RNPEPL1: variants seen among roughly 807,000 people sequenced by gnomAD.
The protein encoded by RNPEPL1 is aminopeptidase RNPEPL1.
Under a neutral mutation model 69.0 loss-of-function variants are expected in RNPEPL1, and 46 were observed. The observed-to-expected ratio is 0.67, with a 90% CI of 0.53 to 0.85. The LOEUF (loss-of-function observed/expected upper bound fraction) is 0.85. RNPEPL1 is among the 40% of genes least tolerant of loss of function. RNPEPL1 has a pLI of 0.00. For synonymous variants in RNPEPL1, 525 were observed against 454.1 expected, an observed-to-expected ratio of 1.16 and a Z score of -1.98; for missense variants, 869 against 992.5, an observed-to-expected ratio of 0.88 and a Z score of 1.67.
In RNPEPL1 at chr2:240,578,162, G is replaced by A. The variant is rs2093043299; in HGVS notation, c.*270G>A. ...ACACCATGCCTCCTGTCTCAACACTGACAGCTGTGCCTAGCCCCGGATGCC... is the reference window on the plus strand; with the variant it reads ...ACACCATGCCTCCTGTCTCAACACTAACAGCTGTGCCTAGCCCCGGATGCC... On this transcript the variant is annotated 3_prime_UTR_variant, in exon 11 of 11. Transcript: ENST00000270357. 8.3e-6 allele frequency: 3 copies of A among 359,418 alleles called. No individual in the cohort carries two copies. The highest frequency in any genetic ancestry group is 1.5e-5 in the Non-Finnish European group (3 of 199,420). 22.3% of individuals were successfully genotyped at this position (359,418 alleles called of 1,614,324 possible).
At chr2:240,573,967 G>A (rs568619267) in intron 4 of RNPEPL1, 76 bp downstream of exon 4, 2 of 1,429,674 alleles carry the variant, frequency 1.4e-6, no homozygotes, top group South Asian at 1.3e-5. Flanking sequence ...TGACCCCTGG[G>A]GTGTCCTGTC....
chr2:240,570,774 T>G (rs1186625143), intron 1 of RNPEPL1, among the ~76,000 whole-genome samples: 2 of 152,176 alleles, frequency 1.3e-5, no homozygotes, highest in Middle Eastern at 3.2e-3. Flanking sequence ...TCAGCACCTG[T>G]GCCCGGGTGC....
chr2:240,573,330 G>GC (rs1220718060), intron 3 of RNPEPL1, 69 bp downstream of exon 3: 1 of 1,486,214 alleles, frequency 6.7e-7, no homozygotes, highest in Non-Finnish European at 9.0e-7. Context: ...GGGGTCTGTG[G>GC]CCTGTGTCCA....
At position 240,578,259 on chromosome 2, in the gene RNPEPL1, T is replaced by G; in HGVS notation, c.*367T>G. 1.1e-5 allele frequency: 2 copies of G among 186,426 alleles called. No homozygotes were observed. Among genetic ancestry groups the G allele is most frequent in the Non-Finnish European group, 2.2e-5 (2 of 90,550 alleles). The allele number at this position is 186,426 out of a possible 1,614,324, so 11.5% of individuals were successfully genotyped here. On this transcript the variant is annotated 3_prime_UTR_variant, in exon 11 of 11. Transcript: ENST00000270357. Reference sequence around the variant, plus strand: ...TGGTGACCGCCACACTGTGCCTTAATGTCTGCCGGGGGCCCAGGCTGTGCT... The same window carrying G: ...TGGTGACCGCCACACTGTGCCTTAAGGTCTGCCGGGGGCCCAGGCTGTGCT...
chr2:240,571,384 A>T (rs1260967670), intron 1 of RNPEPL1, among the ~76,000 whole-genome samples: 1 of 152,130 alleles, frequency 6.6e-6, no homozygotes, highest in Non-Finnish European at 1.5e-5. Context: ...TGGTCATGGG[A>T]GGGCCTCTGC....
At position 240,579,439 on chromosome 2, in the gene RNPEPL1, T is replaced by C. The variant is rs2093047315; in HGVS notation, c.*1547T>C. ...GGGTCTGGGGCCGTCTCTACATGTG[T>C]TGCTTCATGTACCTTCTTCACATCA... is the stretch of plus-strand genomic sequence containing the variant. On this transcript the variant is annotated 3_prime_UTR_variant, in exon 11 of 11. Coordinates refer to ENST00000270357, the MANE Select transcript of RNPEPL1 (RefSeq NM_018226.6). The C allele has an allele frequency of 6.6e-6, 1 of 151,304 alleles. No individual in the cohort carries two copies. The highest frequency in any genetic ancestry group is 2.4e-5 in the African/African-American group (1 of 41,136). The allele number at this position is 151,304 out of a possible 1,614,324, so 9.4% of individuals were successfully genotyped here. A position where few individuals can be genotyped will look rare whatever the true frequency, so the allele number is the denominator to read the frequency against.
rs1318695096 is a variant in RNPEPL1 at position 240,569,016 on chromosome 2, G to C, written c.430G>C (p.Asp144His). The part of the protein sequence containing the change: ...PLAFRVDPFT[D>H]YGSSLTVTLP... ...GGCCTTCAGGGTGGACCCGTTCACC[G>C]ACTACGGCTCCTCGCTCACCGTCAC... is the stretch of plus-strand genomic sequence containing the variant. The change falls in exon 1 of 11, where the codon GAC (aspartate) becomes CAC (histidine). Residue 144 changes from aspartate (D) to histidine (H), a missense_variant. By Grantham distance (81) the Asp-to-His change is moderately conservative. Around this residue, in one of 2 missense-constraint regions of RNPEPL1, gnomAD observed 259 missense variants for 201.5 expected, o/e 1.29. Transcript: ENST00000270357. 2.0e-6 allele frequency: 3 copies of C among 1,509,648 alleles called. No individual in the cohort carries two copies. In the Admixed American group the frequency reaches 6.1e-5, roughly 31 times the overall value. 93.5% of individuals were successfully genotyped at this position (1,509,648 alleles called of 1,614,324 possible). A position where few individuals can be genotyped will look rare whatever the true frequency, so the allele number is the denominator to read the frequency against.
intron 7 of RNPEPL1, 126 bp from the exon 8 acceptor site, chr2:240,575,376 C>T: frequency 3.5e-6 from 3 of 869,146 alleles, no homozygotes; most frequent in Non-Finnish European, 3.8e-6. Context: ...CTCCGCAGTG[C>T]CCACTAGCTG....
At chr2:240,575,774 T>A (rs1172192618) in intron 8 of RNPEPL1, 164 bp downstream of exon 8, 1 of 636,168 alleles carries the variant, frequency 1.6e-6, no homozygotes, top group Non-Finnish European at 2.8e-6. Context: ...GCTGGTATGC[T>A]ATGAGAACAG....
chr2:240,573,989 G>A (rs2093030321), intron 4 of RNPEPL1, 98 bp downstream of exon 4: 10 of 1,378,332 alleles, frequency 7.3e-6, no homozygotes, highest in Non-Finnish European at 1.0e-5. Context: ...CCATCTCCTG[G>A]GGAGGAAGCG....
chr2:240,568,849 C>T lies in RNPEPL1; in HGVS notation c.263C>T (p.Ala88Val). ...CACCCGGCTCTGCGCCTGCACTCAG[C>T]CGCCTTCCGTCGCGCCCCCGCCGCC... The part of the protein sequence containing the change: ...DAHPALRLHS[A>V]AFRRAPAAAA... The change falls in exon 1 of 11, where the codon GCC becomes GTC. Residue 88 changes from alanine to valine, a missense_variant. Physicochemically the swap from Ala to Val is moderately conservative, Grantham distance 64 (BLOSUM62 0). Transcript: ENST00000270357. This position sits in a 1 kb window ranked among gnomAD's most constrained non-coding sequence, Gnocchi z 6.2. 2.5e-6 allele frequency: 3 copies of T among 1,187,866 alleles called. No individual in the cohort carries two copies. Among genetic ancestry groups the T allele is most frequent in the Non-Finnish European group, 3.1e-6 (3 of 954,550 alleles). The allele number at this position is 1,187,866 out of a possible 1,614,324, so 73.6% of individuals were successfully genotyped here. A position where few individuals can be genotyped will look rare whatever the true frequency, so the allele number is the denominator to read the frequency against.
intron 2 of RNPEPL1, among the ~76,000 whole-genome samples, chr2:240,572,815 G>C (rs2093025728): frequency 6.6e-6 from 1 of 152,214 alleles, no homozygotes; most frequent in African/African-American, 2.4e-5. Context: ...GGCACTGCAG[G>C]GTCCCCAGAC....
In RNPEPL1 at chr2:240,572,736, C is replaced by T. The variant is rs554275727; in HGVS notation, c.669+173C>T. Among the ~76,000 whole-genome samples, 322 of 152,290 alleles carry T rather than the reference C, an allele frequency of 2.1e-3. 1 individual carries two copies. Among genetic ancestry groups the T allele is most frequent in the African/African-American group, 6.0e-3 (249 of 41,568 alleles). ...ATGGGAGGAGCCGCTTTGCAGGGAA[C>T]GGGGGAAGCCGGGCTGCCTCCAACG... On this transcript the variant is annotated intron_variant, in intron 2 of 10. Transcript: ENST00000270357.
intron 8 of RNPEPL1, chr2:240,576,011 A>G (rs2093036410): frequency 7.1e-6 from 2 of 282,478 alleles, no homozygotes; most frequent in Non-Finnish European, 1.4e-5. Flanking sequence ...AAGGCACTGC[A>G]GGGTTCAGAC....
intron 1 of RNPEPL1, 162 bp downstream of exon 1, chr2:240,569,276 C>G: frequency 1.3e-6 from 1 of 779,776 alleles, no homozygotes; most frequent in Non-Finnish European, 1.8e-6. Context: ...CCCTTAGGAC[C>G]CTCGGATAGA....
rs748394344 is a variant in RNPEPL1, at chr2:240,573,146, C to T, written c.706C>T (p.Arg236Trp). 31 of 1,610,030 alleles carry T rather than the reference C, an allele frequency of 1.9e-5. No individual in the cohort carries two copies. Among genetic ancestry groups the T allele is most frequent in the Middle Eastern group, 1.6e-4 (1 of 6,070 alleles). ...SGVQVLMSATRSAYMEEEGVF... is the reference protein window; with the variant it reads ...SGVQVLMSATWSAYMEEEGVF... ...GGTGCAGGTGCTGATGAGTGCCACC[C>T]GGAGTGCATACATGGAGGAAGAAGG... The change falls in exon 3 of 11, where the codon CGG becomes TGG. Residue 236 changes from arginine to tryptophan, a missense_variant. Physicochemically the swap from Arg to Trp is moderately radical, Grantham distance 101. Transcript: ENST00000270357.
chr2:240,569,818 T>C lies in RNPEPL1; in HGVS notation c.528+704T>C, dbSNP rs1268660890. Among the ~76,000 whole-genome samples the C allele has an allele frequency of 4.6e-5, 7 of 152,202 alleles. 1 individual carries two copies. The highest frequency in any genetic ancestry group is 4.1e-4 in the South Asian group (2 of 4,838). On this transcript the variant is annotated intron_variant, in intron 1 of 10. Coordinates refer to ENST00000270357, the MANE Select transcript of RNPEPL1 (RefSeq NM_018226.6). ...CGGCACACATGTGACACCCGACATA[T>C]GCAAGACACACACAGCTGTGGAGGC...
At chr2:240,574,676 C>T in intron 6 of RNPEPL1, 48 bp downstream of exon 6, 2 of 1,446,664 alleles carry the variant, frequency 1.4e-6, no homozygotes, top group Non-Finnish European at 1.9e-6. Flanking sequence ...TGTCACCCCT[C>T]AAGGCCTCCT....
chr2:240,575,391 T>C, intron 7 of RNPEPL1, 111 bp from the exon 8 acceptor site: 1 of 953,316 alleles, frequency 1.0e-6, no homozygotes, highest in Non-Finnish European at 1.7e-6. Context: ...TAGCTGCCCC[T>C]GTGCCCAGCA....
Sources: allele counts gnomAD v4.1 joint callset (sites outside exome capture counted in the v4.1 genomes callset), GRCh38; gene constraint gnomAD v4.1.1; regional missense constraint gnomAD v4.1.1; non-coding constraint Gnocchi (gnomAD v3.1); transcripts MANE v1.5; gene names NCBI Gene and HGNC (gene_info 2026-07-23, HGNC 2026-07-21).